Variants in G6PD observed in about 807,000 individuals in gnomAD.
The protein encoded by G6PD is glucose-6-phosphate dehydrogenase.
In G6PD, 2 loss-of-function variants were observed where a neutral mutation model predicts 38.2. That is an observed-to-expected ratio of 0.05 (90% CI 0.02 to 0.16). The LOEUF (loss-of-function observed/expected upper bound fraction) is 0.16, where lower values mean the gene tolerates loss of function less well. Ranked by LOEUF, G6PD falls within the 10% of genes least tolerant of loss-of-function variation. The probability of loss-of-function intolerance (pLI) is 1.00; values close to 1 mark genes in which losing one functional copy is unlikely to be tolerated. For synonymous variants in G6PD, 188 were observed against 196.0 expected (o/e 0.96, Z 0.34); for missense variants, 310 against 471.6 (o/e 0.66, Z 3.17).
chrX:154,540,326 G>A, intron 2 of G6PD, among the ~76,000 whole-genome samples: 1 of 110,446 alleles, frequency 9.1e-6, no homozygotes, highest in Admixed American at 9.6e-5. Flanking sequence ...AAAATTAGCT[G>A]GATGTGGTGG....
chrX:154,543,182 G>T (rs1173290369), intron 2 of G6PD, among the ~76,000 whole-genome samples: 2 of 112,317 alleles, frequency 1.8e-5, no homozygotes, highest in Non-Finnish European at 3.8e-5. Flanking sequence ...TCAGAGAGAG[G>T]ACCCCTTGTC....
intron 5 of G6PD, 180 bp downstream of exon 5, chrX:154,534,988 A>G: frequency 2.0e-6 from 1 of 502,208 alleles, no homozygotes; most frequent in Non-Finnish European, 3.4e-6. Context: ...GCCTTTGGGG[A>G]AGCAGAGCGG....
Position 154,532,945 on chromosome X carries a change from C to T in G6PD, c.1048G>A (p.Asp350Asn), listed in dbSNP as rs34193178. 8.2e-7 allele frequency: 1 copy of T among 1,212,162 alleles called. No homozygotes were observed. ...GGGCCTCGAAGGCATCACCTACCATCCCACCTCTCATTCTCCACATAGAGG... is the reference window on the plus strand; with the variant it reads ...GGGCCTCGAAGGCATCACCTACCATTCCACCTCTCATTCTCCACATAGAGG... ...VVLYVENERWDGVPFILRCGK... is the reference protein window; with the variant it reads ...VVLYVENERWNGVPFILRCGK... Residue 350 changes from aspartate to asparagine, a missense_variant, in exon 9 of 13, where the codon GAT (aspartate) becomes AAT (asparagine). Transcript: ENST00000393562.
At chrX:154,543,167 G>A (rs2070574211) in intron 2 of G6PD, among the ~76,000 whole-genome samples, 1 of 112,220 alleles carries the variant, frequency 8.9e-6, no homozygotes. Flanking sequence ...AAACCACGAG[G>A]CTCTTCAGAG....
intron 4 of G6PD, 23 bp downstream of exon 4, chrX:154,535,914 G>A (rs1482633108): frequency 8.6e-7 from 1 of 1,167,229 alleles, no homozygotes; most frequent in Non-Finnish European, 1.2e-6. Context: ...AACCAGGCTG[G>A]GGGAGGCCCT....
chrX:154,532,814 A>G lies in G6PD; in HGVS notation c.1052-12T>C. 8.3e-7 allele frequency: 1 copy of G among 1,207,205 alleles called. No homozygotes were observed. The highest frequency in any genetic ancestry group is 1.1e-6 in the Non-Finnish European group (1 of 892,842). On this transcript the variant is annotated splice_polypyrimidine_tract_variant and intron_variant, in intron 9 of 12. Coordinates refer to ENST00000393562, the MANE Select transcript of G6PD (RefSeq NM_001360016.2). Reference sequence around the variant, plus strand: ...GATGAAGGGCACCCCTACGTGGCGGAAAGGGCAGCCTCAGCACCAGCTCTC... The same window carrying G: ...GATGAAGGGCACCCCTACGTGGCGGGAAGGGCAGCCTCAGCACCAGCTCTC...
At chrX:154,542,492 C>A in intron 2 of G6PD, 1 of 1,144,790 alleles carries the variant, frequency 8.7e-7, no homozygotes, top group Non-Finnish European at 1.2e-6. Context: ...GGTGGGAGTC[C>A]TGAGAAGGCA....
In G6PD at chrX:154,544,124, G is replaced by C. The variant is rs782806405; in HGVS notation, c.120+1912C>G. Reference sequence around the variant, plus strand: ...GATCCACCCGCTTCAGCCTCCCAAAGTGCTGGGATTACAGACGTGAGCCAC... The same window carrying C: ...GATCCACCCGCTTCAGCCTCCCAAACTGCTGGGATTACAGACGTGAGCCAC... On this transcript the variant is annotated intron_variant, in intron 2 of 12. Transcript: ENST00000393562. Among the ~76,000 whole-genome samples the C allele has an allele frequency of 2.7e-5, 3 of 109,759 alleles. No homozygotes were observed. The East Asian group carries it at 8.6e-4, about 31-fold the overall frequency.
intron 2 of G6PD, among the ~76,000 whole-genome samples, chrX:154,537,134 C>T (rs2070417646): frequency 1.8e-5 from 2 of 109,973 alleles, no homozygotes; most frequent in Non-Finnish European, 3.8e-5. Context: ...TGAAACCCCG[C>T]CTCTACCAAA....
rs781967767 is a variant in G6PD, at chrX:154,532,760, C to T, written c.1094G>A (p.Arg365His). ...ILRCGKALNERKAEVRLQFHD... is the reference protein window; with the variant it reads ...ILRCGKALNEHKAEVRLQFHD... ...GAACTGCAGCCTCACCTCGGCCTTG[C>T]GCTCGTTCAGGGCCTTGCCGCAGCG... Residue 365 changes from arginine (R) to histidine (H), a missense_variant, in exon 10 of 13, where the codon CGC (arginine) becomes CAC (histidine). Coordinates refer to ENST00000393562, the MANE Select transcript of G6PD (RefSeq NM_001360016.2). 1 of 1,210,393 alleles carries T rather than the reference C, an allele frequency of 8.3e-7. No individual in the cohort carries two copies. The highest frequency in any genetic ancestry group is 2.2e-5 in the Admixed American group (1 of 45,926).
chrX:154,546,308 G>A (rs1311911708), intron 1 of G6PD, 145 bp from the exon 2 acceptor site: 2 of 797,408 alleles, frequency 2.5e-6, no homozygotes, highest in East Asian at 6.5e-5. Context: ...TGGGCATTGG[G>A]GAGTGGTTGA....
At position 154,533,058 on chromosome X, in the gene G6PD, G is replaced by C; in HGVS notation, c.935C>G (p.Pro312Arg). ...NVVLGQYVGNPDGEGEATKGY... is the reference protein window; with the variant it reads ...NVVLGQYVGNRDGEGEATKGY... The stretch of plus-strand genomic sequence containing the variant: ...TTTGGTGGCCTCGCCCTCTCCATCG[G>C]GGTTCCCCACGTACTGGCCCAGGAC... Residue 312 changes from proline to arginine, a missense_variant, in exon 9 of 13, where the codon CCC becomes CGC. Transcript: ENST00000393562. The C allele has an allele frequency of 8.2e-7, 1 of 1,212,414 alleles. No individual in the cohort carries two copies. The highest frequency in any genetic ancestry group is 1.1e-6 in the Non-Finnish European group (1 of 895,611).
upstream of G6PD, chrX:154,547,146 G>T (rs1557233792): frequency 6.2e-6 from 1 of 161,237 alleles, no homozygotes; most frequent in African/African-American, 3.1e-5. Context: ...TCGCCGGCCC[G>T]GCCCCGCCCC....
intron 1 of G6PD, 123 bp downstream of exon 1, chrX:154,546,666 G>A: frequency 1.7e-6 from 1 of 598,635 alleles, no homozygotes; most frequent in Non-Finnish European, 2.6e-6. Context: ...AAAGGGATTG[G>A]TTAAGACCCT....
At chrX:154,547,016 T>C, upstream of G6PD, 1 of 210,751 alleles carries the variant, frequency 4.7e-6, no homozygotes, top group Non-Finnish European at 8.3e-6. Context: ...AGCCCCTGCC[T>C]CTCGGGCACC....
intron 2 of G6PD, among the ~76,000 whole-genome samples, chrX:154,544,495 A>G (rs1210965422): frequency 2.7e-5 from 3 of 112,232 alleles, no homozygotes; most frequent in Non-Finnish European, 3.8e-5. Flanking sequence ...GGGTTTCGCC[A>G]TGTTGGCCAG....
chrX:154,541,900 C>T (rs927139641), intron 2 of G6PD, among the ~76,000 whole-genome samples: 9 of 112,110 alleles, frequency 8.0e-5, no homozygotes, highest in East Asian at 2.8e-4. Context: ...GGAGGGCCAG[C>T]GGGGGTGGGC....
chrX:154,542,442 G>C, intron 2 of G6PD: 1 of 1,185,048 alleles, frequency 8.4e-7, no homozygotes, highest in Non-Finnish European at 1.1e-6. Context: ...AGAGCTTTCT[G>C]GAAGGGGGCA....
chrX:154,537,407 C>T (rs1414284314), intron 2 of G6PD, among the ~76,000 whole-genome samples: 1 of 112,004 alleles, frequency 8.9e-6, no homozygotes, highest in Non-Finnish European at 1.9e-5. Flanking sequence ...TACCTGAGTT[C>T]GGGAGTTCAA....
Sources: gnomAD v4.1 joint callset for allele counts (sites outside exome capture counted in the v4.1 genomes callset) on GRCh38, gnomAD v4.1.1 for gene constraint, MANE v1.5 for transcripts, NCBI Gene and HGNC (gene_info 2026-07-23, HGNC 2026-07-21) for gene names.